ZNF385D: variants seen among roughly 807,000 people sequenced by gnomAD.
The protein encoded by ZNF385D is zinc finger protein 659.
Under a neutral mutation model 35.8 loss-of-function variants are expected in ZNF385D, and 15 were observed. That is an observed-to-expected ratio of 0.42 (90% CI 0.28 to 0.64). The LOEUF (loss-of-function observed/expected upper bound fraction) is 0.64, where lower values mean the gene tolerates loss of function less well. Among genes scored for constraint, ZNF385D ranks in the 30% least tolerant of loss-of-function variants. The pLI is 0.23. For missense variants in ZNF385D, 474 were observed against 494.6 expected (o/e 0.96, Z 0.39); for synonymous variants, 212 against 186.8 (o/e 1.13, Z -1.10).
intron 2 of ZNF385D, among the ~76,000 whole-genome samples, chr3:21,614,755 A>G (rs1277709724): frequency 1.3e-5 from 2 of 152,044 alleles, no homozygotes; most frequent in Non-Finnish European, 2.9e-5. Flanking sequence ...CGCCCAGCTA[A>G]TTTTTCTATT....
At chr3:22,077,172 T>A (rs79603984) in intron 3 of ZNF385D, among the ~76,000 whole-genome samples, 1,660 of 152,104 alleles carry the variant, frequency 0.011, 11 homozygotes, top group Non-Finnish European at 0.018. Context: ...TAGTTCAGTA[T>A]TGATGTCTAC....
intron 1 of ZNF385D, among the ~76,000 whole-genome samples, chr3:21,676,292 T>G (rs1001060088): frequency 2.0e-5 from 3 of 152,252 alleles, no homozygotes; most frequent in Admixed American, 2.0e-4. Context: ...TGATTTCAAT[T>G]TCCTTAAGAA....
At chr3:21,595,171 A>G (rs1473746175) in intron 2 of ZNF385D, among the ~76,000 whole-genome samples, 1 of 152,122 alleles carries the variant, frequency 6.6e-6, no homozygotes, top group African/African-American at 2.4e-5. Flanking sequence ...GACCCCACCC[A>G]GTATTTCTCC....
chr3:21,434,895 A>G (rs1701473816), intron 5 of ZNF385D, among the ~76,000 whole-genome samples: 1 of 152,160 alleles, frequency 6.6e-6, no homozygotes, highest in South Asian at 2.1e-4. Context: ...CCTAAGGTTC[A>G]GAGAGAACAC....
intron 3 of ZNF385D, among the ~76,000 whole-genome samples, chr3:22,107,139 C>T (rs527816698): frequency 8.6e-5 from 13 of 150,820 alleles, no homozygotes; most frequent in African/African-American, 3.2e-4. Flanking sequence ...ATTCTCCTGC[C>T]TCAGCCCCGG....
intron 3 of ZNF385D, among the ~76,000 whole-genome samples, chr3:21,842,070 A>G (rs946803998): frequency 1.3e-5 from 2 of 151,912 alleles, no homozygotes; most frequent in African/African-American, 4.8e-5. Context: ...TAAAATTTAG[A>G]TTTTTTGTTA....
intron 3 of ZNF385D, among the ~76,000 whole-genome samples, chr3:22,106,243 GT>G (rs1029104971): frequency 3.9e-5 from 6 of 152,076 alleles, no homozygotes; most frequent in African/African-American, 1.4e-4. Context: ...ACATAATCAG[GT>G]TTTTCCCAGT....
At chr3:21,921,150 G>A (rs1397351768) in intron 3 of ZNF385D, among the ~76,000 whole-genome samples, 2 of 150,498 alleles carry the variant, frequency 1.3e-5, no homozygotes, top group East Asian at 2.0e-4. Context: ...GTGAACCCGG[G>A]AGGCGGAGTT....
rs886266074 is a variant in ZNF385D, at chr3:21,785,031, A to G, written c.326-120003T>C. Reference sequence around the variant, plus strand: ...CTCACCTCTTCCTAGTTTAGCTCTAACATAGATGCACACACACAATCCATG... The same window carrying G: ...CTCACCTCTTCCTAGTTTAGCTCTAGCATAGATGCACACACACAATCCATG... On this transcript the variant is annotated intron_variant, in intron 3 of 5. Coordinates refer to the ZNF385D transcript ENST00000494108. Among the ~76,000 whole-genome samples, 8 of 152,248 alleles carry G rather than the reference A, an allele frequency of 5.3e-5. 1 individual carries two copies. Among genetic ancestry groups the G allele is most frequent in the East Asian group, 1.9e-4 (1 of 5,172 alleles).
At chr3:22,205,516 T>C (rs1242438889) in intron 2 of ZNF385D, among the ~76,000 whole-genome samples, 1 of 151,928 alleles carries the variant, frequency 6.6e-6, no homozygotes, top group Non-Finnish European at 1.5e-5. Context: ...ACTATGCATA[T>C]CTTAAGCAGA....
In ZNF385D at chr3:21,419,589, A is replaced by C. The variant is rs904852675; in HGVS notation, c.*1625T>G. On this transcript the variant is annotated 3_prime_UTR_variant, in exon 8 of 8. Coordinates refer to ENST00000281523, the MANE Select transcript of ZNF385D (RefSeq NM_024697.3). ...TTTTTTCTCTAAACCTAAATCATGTATGTTTTGTCATTATTCTAAGTTTCA... is the reference window on the plus strand; with the variant it reads ...TTTTTTCTCTAAACCTAAATCATGTCTGTTTTGTCATTATTCTAAGTTTCA... 3.9e-5 allele frequency: 6 copies of C among 152,076 alleles called. No homozygotes were observed. The highest frequency in any genetic ancestry group is 8.8e-5 in the Non-Finnish European group (6 of 68,006). The allele number at this position is 152,076 out of a possible 1,614,324, so 9.4% of individuals were successfully genotyped here.
intron 3 of ZNF385D, among the ~76,000 whole-genome samples, chr3:22,132,235 T>TA (rs1169462476): frequency 1.3e-5 from 2 of 151,942 alleles, no homozygotes; most frequent in Non-Finnish European, 2.9e-5. Context: ...AGAGCCCCTA[T>TA]AAAAAAAGGA....
rs567602245 is a variant in ZNF385D at position 21,412,566 on chromosome 3, C to T, written c.*8648G>A. The T allele has an allele frequency of 1.3e-5, 2 of 152,064 alleles. No individual in the cohort carries two copies. Among genetic ancestry groups the T allele is most frequent in the South Asian group, 2.1e-4 (1 of 4,818 alleles). 9.4% of individuals were successfully genotyped at this position (152,064 alleles called of 1,614,324 possible). On this transcript the variant is annotated 3_prime_UTR_variant, in exon 8 of 8. Transcript: ENST00000281523. Reference sequence around the variant, plus strand: ...CCACAAACCAAGCGAAGAATAAGGACATGAACAGACCAATGTCTTGACACC... The same window carrying T: ...CCACAAACCAAGCGAAGAATAAGGATATGAACAGACCAATGTCTTGACACC...
chr3:22,199,473 T>G (rs1022893631), intron 2 of ZNF385D, among the ~76,000 whole-genome samples: 22 of 152,216 alleles, frequency 1.4e-4, no homozygotes, highest in African/African-American at 5.3e-4. Context: ...TAATATTAGG[T>G]TCAATGTTTC....
At chr3:21,924,902 C>T (rs1304727800) in intron 3 of ZNF385D, among the ~76,000 whole-genome samples, 1 of 152,082 alleles carries the variant, frequency 6.6e-6, no homozygotes, top group African/African-American at 2.4e-5. Flanking sequence ...AAGTGGTGCC[C>T]TCCTTCTCCT....
intron 3 of ZNF385D, among the ~76,000 whole-genome samples, chr3:21,901,413 T>C (rs1265714652): frequency 6.6e-6 from 1 of 152,178 alleles, no homozygotes; most frequent in Admixed American, 6.6e-5. Flanking sequence ...AGAAGCTTCC[T>C]GTCTCTCAAA....
chr3:21,670,443 T>C (rs1324337517), intron 1 of ZNF385D, among the ~76,000 whole-genome samples: 1 of 151,816 alleles, frequency 6.6e-6, no homozygotes, highest in Non-Finnish European at 1.5e-5. Flanking sequence ...AGCAACTAAT[T>C]TGACATACAT....
chr3:22,188,710 A>G (rs1695812360), intron 2 of ZNF385D, among the ~76,000 whole-genome samples: 1 of 152,052 alleles, frequency 6.6e-6, no homozygotes, highest in African/African-American at 2.4e-5. Context: ...TCAGACTCCC[A>G]AAGTGCTGAG....
At chr3:21,909,621 G>T (rs1699864321) in intron 3 of ZNF385D, among the ~76,000 whole-genome samples, 2 of 152,010 alleles carry the variant, frequency 1.3e-5, no homozygotes, top group African/African-American at 2.4e-5. Flanking sequence ...ATGGATTGTT[G>T]CAAAGTCACA....
Sources: gnomAD v4.1 joint callset for allele counts (sites outside exome capture counted in the v4.1 genomes callset) on GRCh38, gnomAD v4.1.1 for gene constraint, MANE v1.5 for transcripts, NCBI Gene and HGNC (gene_info 2026-07-23, HGNC 2026-07-21) for gene names.